Variants in FGF18 observed in about 807,000 individuals in gnomAD.
FGF18 encodes the protein fibroblast growth factor 18.
In FGF18, 5 loss-of-function variants were observed where a neutral mutation model predicts 23.0. The observed-to-expected ratio is 0.22, with a 90% CI of 0.11 to 0.46. The LOEUF is 0.46. Ranked by LOEUF, FGF18 falls within the 20% of genes least tolerant of loss-of-function variation. The pLI, the probability that FGF18 is intolerant of heterozygous loss-of-function variation, is 0.99. For missense variants in FGF18, 180 were observed against 291.6 expected, an observed-to-expected ratio of 0.62 and a Z score of 2.79; for synonymous variants, 117 against 118.9, an observed-to-expected ratio of 0.98 and a Z score of 0.10.
At chr5:171,454,879 A>G (rs1772559979) in intron 4 of FGF18, among the ~76,000 whole-genome samples, 1 of 152,182 alleles carries the variant, frequency 6.6e-6, no homozygotes, top group Admixed American at 6.5e-5. Context: ...CCATCGAGCA[A>G]TTCGGCTGTC....
At chr5:171,443,531 T>TTTTTTTTTTTTG (rs1480484505) in intron 3 of FGF18, among the ~76,000 whole-genome samples, 2 of 115,026 alleles carry the variant, frequency 1.7e-5, no homozygotes, top group African/African-American at 6.4e-5. Context: ...TTTTTTTTTT[T>TTTTTTTTTTTTG]TAGCAGAGAC....
chr5:171,443,459 G>C, intron 3 of FGF18, among the ~76,000 whole-genome samples: 1 of 136,356 alleles, frequency 7.3e-6, no homozygotes, highest in Admixed American at 7.8e-5. Flanking sequence ...AACATTGCTT[G>C]ACACATGGTA....
At chr5:171,433,004 TTC>T (rs2113340730) in intron 2 of FGF18, among the ~76,000 whole-genome samples, 1 of 152,296 alleles carries the variant, frequency 6.6e-6, no homozygotes, top group African/African-American at 2.4e-5. Context: ...TAGGAAAGGC[TTC>T]GGGGTAGGAC....
chr5:171,443,500 CATTTTTTTTTTTT>C (rs1479068386), intron 3 of FGF18, among the ~76,000 whole-genome samples: 1,550 of 70,452 alleles, frequency 0.022, 138 homozygotes, highest in African/African-American at 0.063. Flanking sequence ...CTGTTATCAT[CATTTTTTTTTTTT>C]TTTTTTTTTT....
chr5:171,447,134 T>C (rs62383994), intron 3 of FGF18, among the ~76,000 whole-genome samples: 50,984 of 152,066 alleles, frequency 0.34, 8,764 homozygotes, highest in Middle Eastern at 0.4. Context: ...CCAATAACTA[T>C]TGAAGATTAT....
At chr5:171,423,557 G>T (rs1772051906) in intron 2 of FGF18, among the ~76,000 whole-genome samples, 1 of 152,014 alleles carries the variant, frequency 6.6e-6, no homozygotes, top group Non-Finnish European at 1.5e-5. Context: ...CAGCCCCTTA[G>T]CCCCTTGTCC....
intron 4 of FGF18, among the ~76,000 whole-genome samples, chr5:171,455,295 T>C (rs1054856761): frequency 6.6e-6 from 1 of 152,226 alleles, no homozygotes; most frequent in African/African-American, 2.4e-5. Flanking sequence ...CTCTTATTTT[T>C]GGAGGCCCCA....
Position 171,456,677 on chromosome 5 carries a change from C to A in FGF18, c.496C>A (p.Arg166=). Residue 166 remains arginine, a synonymous_variant, in exon 5 of 5, where the codon CGG becomes AGG. Transcript: ENST00000274625. The surrounding 1 kb of genome is among the most constrained non-coding windows in gnomAD (Gnocchi z 6.1). The stretch of plus-strand genomic sequence containing the variant: ...GCGGCCGCGGAAGGGCCCCAAGACC[C>A]GGGAGAACCAGCAGGACGTGCATTT... ...KGRPRKGPKT[R]ENQQDVHFMK... The A allele has an allele frequency of 6.2e-7, 1 of 1,613,950 alleles. No homozygotes were observed. The highest frequency in any genetic ancestry group is 8.5e-7 in the Non-Finnish European group (1 of 1,179,978).
At position 171,451,352 on chromosome 5, in the gene FGF18, C is replaced by T. The variant is rs892264288; in HGVS notation, c.357+2099C>T. 6.6e-6 allele frequency among the ~76,000 whole-genome samples: 1 copy of T among 152,182 alleles called. No individual in the cohort carries two copies. The highest frequency in any genetic ancestry group is 6.5e-5 in the Admixed American group (1 of 15,286). ...CCAAATCCACCTGTCCAGGCTTGAC[C>T]TCTGCCCCGCCCAGCGCCCCCTCGC... On this transcript the variant is annotated intron_variant, in intron 4 of 4. Transcript: ENST00000274625. This position sits in a 1 kb window ranked among gnomAD's most constrained non-coding sequence, Gnocchi z 4.5.
At chr5:171,446,140 A>G (rs1262505648) in intron 3 of FGF18, among the ~76,000 whole-genome samples, 1 of 152,134 alleles carries the variant, frequency 6.6e-6, no homozygotes, top group Non-Finnish European at 1.5e-5. Flanking sequence ...AGGTCACTCC[A>G]TCGCATGCTG....
At chr5:171,422,416 G>A (rs1772027768) in intron 2 of FGF18, among the ~76,000 whole-genome samples, 2 of 152,146 alleles carry the variant, frequency 1.3e-5, no homozygotes, top group Admixed American at 1.3e-4. Flanking sequence ...CATGGTCCAT[G>A]TACCCTTGGA....
In FGF18 at chr5:171,440,847, C is replaced by T. The variant is rs571358535; in HGVS notation, c.250+4574C>T. On this transcript the variant is annotated intron_variant, in intron 3 of 4. Coordinates refer to ENST00000274625, the MANE Select transcript of FGF18 (RefSeq NM_003862.3). The surrounding 1 kb of genome is among the most constrained non-coding windows in gnomAD (Gnocchi z 4.0). ...GAGCCCCAGAGCCCCTGTGCTTGCC[C>T]TTGTCCCAACAAGGGTCCTGCTGCG... 3.9e-5 allele frequency among the ~76,000 whole-genome samples: 6 copies of T among 152,316 alleles called. No homozygotes were observed. Among genetic ancestry groups the T allele is most frequent in the Admixed American group, 2.0e-4 (3 of 15,308 alleles).
rs1398901234 is a variant in FGF18 at position 171,451,892 on chromosome 5, C to T, written c.357+2639C>T. Among the ~76,000 whole-genome samples, 1 of 152,178 alleles carries T rather than the reference C, an allele frequency of 6.6e-6. No homozygotes were observed. The highest frequency in any genetic ancestry group is 2.4e-5 in the African/African-American group (1 of 41,444). ...GACCCCTCTGTCAGCCCACCCACCC[C>T]GGAGCCCCACAGTCCCTCGCACAGC... On this transcript the variant is annotated intron_variant, in intron 4 of 4. Transcript: ENST00000274625. The surrounding 1 kb of genome is among the most constrained non-coding windows in gnomAD (Gnocchi z 4.5).
intron 3 of FGF18, among the ~76,000 whole-genome samples, chr5:171,445,462 G>A (rs1201933010): frequency 6.6e-6 from 1 of 152,086 alleles, no homozygotes; most frequent in Non-Finnish European, 1.5e-5. Context: ...GGGTTCAAGT[G>A]ATTCTCCTGC....
At chr5:171,420,544 T>G in intron 2 of FGF18, 101 bp downstream of exon 2, 1 of 1,197,964 alleles carries the variant, frequency 8.3e-7, no homozygotes, top group Non-Finnish European at 1.2e-6. Flanking sequence ...CCACCCCTCC[T>G]GGGCGCTGAG....
chr5:171,434,809 C>CT lies in FGF18; in HGVS notation c.70-1268dup, dbSNP rs35377470. ...GAGACACTGCTCCAGCTTTCTCTCC[C>CT]TTTTTTTTTTTTTTTTGATGGTGCT... On this transcript the variant is annotated intron_variant, in intron 2 of 4. Coordinates refer to ENST00000274625, the MANE Select transcript of FGF18 (RefSeq NM_003862.3). This position sits in a 1 kb window ranked among gnomAD's most constrained non-coding sequence, Gnocchi z 4.6. Among the ~76,000 whole-genome samples the CT allele has an allele frequency of 0.28, 39,266 of 141,704 alleles. 5,426 individuals are homozygous for CT. The highest frequency in any genetic ancestry group is 0.34 in the Middle Eastern group (91 of 264). 93.0% of individuals were successfully genotyped at this position (141,704 alleles called of 152,430 possible).
rs528311739 is a variant in FGF18 at position 171,430,736 on chromosome 5, C to T, written c.70-5357C>T. On this transcript the variant is annotated intron_variant, in intron 2 of 4. Transcript: ENST00000274625. ...CCGGGAAGCGGAGCTTGCAGTGAGC[C>T]GAGATTGCGCCACTGCAGTCCGTAG... Among the ~76,000 whole-genome samples, 57 of 133,948 alleles carry T rather than the reference C, an allele frequency of 4.3e-4. 1 individual carries two copies. The highest frequency in any genetic ancestry group is 1.5e-3 in the African/African-American group (48 of 31,082). 87.9% of individuals were successfully genotyped at this position (133,948 alleles called of 152,430 possible).
intron 2 of FGF18, among the ~76,000 whole-genome samples, chr5:171,427,710 GTT>G (rs889316480): frequency 6.6e-6 from 1 of 152,252 alleles, no homozygotes; most frequent in African/African-American, 2.4e-5. Context: ...CCCTGGACTG[GTT>G]TTGAGGGGAA....
chr5:171,423,032 C>T (rs995259021), intron 2 of FGF18, among the ~76,000 whole-genome samples: 23 of 152,210 alleles, frequency 1.5e-4, no homozygotes, highest in Non-Finnish European at 2.5e-4. Context: ...TCCCTCCCCT[C>T]GCAGTGTTTT....
Sources: allele counts gnomAD v4.1 joint callset (sites outside exome capture counted in the v4.1 genomes callset), GRCh38; gene constraint gnomAD v4.1.1; non-coding constraint Gnocchi (gnomAD v3.1); transcripts MANE v1.5; gene names NCBI Gene and HGNC (gene_info 2026-07-23, HGNC 2026-07-21).